Variants in SLC4A4 observed in about 807,000 individuals in gnomAD.
SLC4A4 encodes the protein electrogenic sodium bicarbonate cotransporter 1.
SLC4A4 carries 27 observed loss-of-function variants against 111.5 expected under a neutral mutation model. The observed-to-expected ratio is 0.24, with a 90% CI of 0.18 to 0.33. SLC4A4 has a LOEUF of 0.33. SLC4A4 is among the 10% of genes least tolerant of loss of function. The pLI is 1.00. For synonymous variants in SLC4A4, 443 were observed against 463.4 expected (o/e 0.96, Z 0.57); for missense variants, 909 against 1,315.5 (o/e 0.69, Z 4.78).
At chr4:71,423,621 T>C (rs1488718605) in intron 7 of SLC4A4, among the ~76,000 whole-genome samples, 1 of 152,144 alleles carries the variant, frequency 6.6e-6, no homozygotes, top group African/African-American at 2.4e-5. Context: ...CAAAACAGCA[T>C]GGTACTGGTA....
At chr4:71,566,391 T>A (rs996094847) in intron 24 of SLC4A4, among the ~76,000 whole-genome samples, 3 of 151,920 alleles carry the variant, frequency 2.0e-5, no homozygotes, top group Admixed American at 6.6e-5. Flanking sequence ...AGCTATTTTT[T>A]AAAAAAATTA....
intron 2 of SLC4A4, among the ~76,000 whole-genome samples, chr4:71,143,072 A>G (rs1744053833): frequency 6.6e-6 from 1 of 152,004 alleles, no homozygotes; most frequent in East Asian, 1.9e-4. Flanking sequence ...AGCATTAGGT[A>G]TATCTCCTAA....
At chr4:71,183,397 A>G (rs531547503), upstream of SLC4A4, among the ~76,000 whole-genome samples, 1 of 152,320 alleles carries the variant, frequency 6.6e-6, no homozygotes, top group African/African-American at 2.4e-5. Context: ...AACTGTGTTC[A>G]CCTTCATTCT....
At chr4:71,564,713 A>G (rs1456891714) in intron 24 of SLC4A4, among the ~76,000 whole-genome samples, 1 of 151,950 alleles carries the variant, frequency 6.6e-6, no homozygotes, top group African/African-American at 2.4e-5. Flanking sequence ...AAGACAGTTA[A>G]GACACTTTTA....
chr4:71,505,005 T>A (rs1440280036), intron 16 of SLC4A4, among the ~76,000 whole-genome samples: 1 of 152,188 alleles, frequency 6.6e-6, no homozygotes, highest in Non-Finnish European at 1.5e-5. Context: ...CTGCATTAGT[T>A]TGCTAGGGAT....
At chr4:71,164,541 A>C (rs1181422106) in intron 2 of SLC4A4, among the ~76,000 whole-genome samples, 1 of 46,918 alleles carries the variant, frequency 2.1e-5, no homozygotes, top group East Asian at 6.2e-4. Context: ...GAAAGAAATG[A>C]AAAAACAAAA....
At chr4:71,541,133 A>G (rs1474163260) in intron 18 of SLC4A4, among the ~76,000 whole-genome samples, 1 of 152,142 alleles carries the variant, frequency 6.6e-6, no homozygotes, top group African/African-American at 2.4e-5. Context: ...GGGAGTGGAG[A>G]TGAGAGCAAA....
At chr4:71,170,050 A>C (rs1744895058) in intron 2 of SLC4A4, among the ~76,000 whole-genome samples, 1 of 152,176 alleles carries the variant, frequency 6.6e-6, no homozygotes, top group Admixed American at 6.5e-5. Flanking sequence ...TGCCTAGAGC[A>C]CATTCCCCAA....
chr4:71,531,295 C>T (rs78848752), intron 16 of SLC4A4, among the ~76,000 whole-genome samples: 374 of 152,198 alleles, frequency 2.5e-3, no homozygotes, highest in African/African-American at 8.6e-3. Context: ...TCCTTAAAGC[C>T]CAGACCTTGT....
intron 1 of SLC4A4, among the ~76,000 whole-genome samples, chr4:71,080,642 T>A (rs1411513326): frequency 6.6e-6 from 1 of 152,056 alleles, no homozygotes; most frequent in Admixed American, 6.5e-5. Context: ...CTTTGTAAAC[T>A]AAGGATTGCT....
chr4:71,310,464 A>T (rs1726049596), intron 3 of SLC4A4, among the ~76,000 whole-genome samples: 1 of 152,180 alleles, frequency 6.6e-6, no homozygotes, highest in South Asian at 2.1e-4. Context: ...TACAAAAGGA[A>T]ACCTATCAGA....
chr4:71,300,856 A>G, intron 3 of SLC4A4: 1 of 476,444 alleles, frequency 2.1e-6, no homozygotes, highest in South Asian at 1.7e-5. Context: ...ACAGTGGAAC[A>G]GGGCCCGCTT....
In SLC4A4 at chr4:71,248,895, C is replaced by T. The variant is rs575628920; in HGVS notation, c.74-6325C>T. On this transcript the variant is annotated intron_variant, in intron 2 of 25. Coordinates refer to ENST00000264485, the MANE Select transcript of SLC4A4 (RefSeq NM_001098484.3). Reference sequence around the variant, plus strand: ...AAAATGAGCTCTTGGAAGACAGATGCATACGTTTGCTGAGCTAAAGGACAG... The same window carrying T: ...AAAATGAGCTCTTGGAAGACAGATGTATACGTTTGCTGAGCTAAAGGACAG... 3.9e-5 allele frequency among the ~76,000 whole-genome samples: 6 copies of T among 152,270 alleles called. No individual in the cohort carries two copies. The East Asian group carries it at 9.6e-4, about 24-fold the overall frequency.
At chr4:71,424,079 C>G (rs1163742609) in intron 7 of SLC4A4, among the ~76,000 whole-genome samples, 1 of 152,032 alleles carries the variant, frequency 6.6e-6, no homozygotes, top group African/African-American at 2.4e-5. Flanking sequence ...GGAAAATTTT[C>G]GCAACCTACT....
chr4:71,390,558 T>G (rs1719161207), intron 6 of SLC4A4, among the ~76,000 whole-genome samples: 1 of 152,174 alleles, frequency 6.6e-6, no homozygotes, highest in Non-Finnish European at 1.5e-5. Flanking sequence ...ATTTCCCCCC[T>G]TCTTTTCTTT....
chr4:71,294,620 C>T (rs151223813), intron 3 of SLC4A4, among the ~76,000 whole-genome samples: 15 of 152,264 alleles, frequency 9.9e-5, no homozygotes, highest in African/African-American at 2.4e-4. Context: ...ACTTTAAGTA[C>T]GGCATCTGGA....
intron 2 of SLC4A4, among the ~76,000 whole-genome samples, chr4:71,245,668 G>A (rs1720603884): frequency 6.6e-6 from 1 of 152,080 alleles, no homozygotes. Flanking sequence ...GAAGCCGGTA[G>A]TTGACTATAC....
intron 3 of SLC4A4, among the ~76,000 whole-genome samples, chr4:71,297,588 T>C: frequency 7.1e-6 from 1 of 141,520 alleles, no homozygotes; most frequent in Non-Finnish European, 1.5e-5. Context: ...GGTGAATCTT[T>C]TTTTTTTTTT....
At chr4:71,406,385 T>C (rs1002336643) in intron 7 of SLC4A4, among the ~76,000 whole-genome samples, 4 of 151,996 alleles carry the variant, frequency 2.6e-5, no homozygotes, top group African/African-American at 9.7e-5. Flanking sequence ...TCCCTCTTAA[T>C]AGGGAATCTC....
Sources: allele counts gnomAD v4.1 joint callset (sites outside exome capture counted in the v4.1 genomes callset), GRCh38; gene constraint gnomAD v4.1.1; transcripts MANE v1.5; gene names NCBI Gene and HGNC (gene_info 2026-07-23, HGNC 2026-07-21).